Variants in MRPS31 observed in about 807,000 individuals in gnomAD.
MRPS31 encodes small ribosomal subunit protein mS31.
MRPS31 carries 32 observed loss-of-function variants against 43.1 expected under a neutral mutation model. The ratio of observed to expected loss-of-function variants is 0.74; its 90% confidence interval spans 0.56 to 1.00. MRPS31 has a LOEUF of 1.00. MRPS31 is among the 50% of genes least tolerant of loss of function. MRPS31 has a pLI of 0.00. For synonymous variants in MRPS31, 165 were observed against 161.6 expected, an observed-to-expected ratio of 1.02 and a Z score of -0.16; for missense variants, 437 against 466.7, an observed-to-expected ratio of 0.94 and a Z score of 0.59.
chr13:40,747,187 T>C (rs1880262693), intron 6 of MRPS31, among the ~76,000 whole-genome samples: 1 of 152,074 alleles, frequency 6.6e-6, no homozygotes, highest in South Asian at 2.1e-4. Context: ...CAAGTGATTC[T>C]CCTGCCTCAG....
chr13:40,732,088 T>G (rs1297170734), intron 6 of MRPS31, among the ~76,000 whole-genome samples: 1 of 152,200 alleles, frequency 6.6e-6, no homozygotes, highest in Non-Finnish European at 1.5e-5. Context: ...CTAAAGACAT[T>G]CTAAACATTC....
chr13:40,729,290 A>G lies in MRPS31; in HGVS notation c.*82T>C. 1.4e-6 allele frequency: 1 copy of G among 720,004 alleles called. No individual in the cohort carries two copies. Among genetic ancestry groups the G allele is most frequent in the Non-Finnish European group, 2.3e-6 (1 of 440,274 alleles). 44.6% of individuals were successfully genotyped at this position (720,004 alleles called of 1,614,324 possible). On this transcript the variant is annotated 3_prime_UTR_variant, in exon 7 of 7. Coordinates refer to ENST00000323563, the MANE Select transcript of MRPS31 (RefSeq NM_005830.4). ...CCAAATCAAATGTAATAATCAACAT[A>G]ACATATACAAACTCTAGTAAAATTA...
chr13:40,739,422 G>A (rs1243042726), intron 6 of MRPS31, among the ~76,000 whole-genome samples: 1 of 152,038 alleles, frequency 6.6e-6, no homozygotes, highest in Non-Finnish European at 1.5e-5. Context: ...TTTCTTCACA[G>A]AATTGGAAAA....
chr13:40,734,042 T>C (rs1879795208), intron 6 of MRPS31, among the ~76,000 whole-genome samples: 1 of 148,006 alleles, frequency 6.8e-6, no homozygotes, highest in Non-Finnish European at 1.5e-5. Flanking sequence ...GGCAGGAGAA[T>C]AGCTTGAACC....
chr13:40,736,212 A>C (rs533176744), intron 6 of MRPS31, among the ~76,000 whole-genome samples: 13 of 152,144 alleles, frequency 8.5e-5, no homozygotes, highest in African/African-American at 3.1e-4. Flanking sequence ...GAAATGAAGC[A>C]GGAAGGAAAG....
chr13:40,757,091 G>T, intron 3 of MRPS31, 78 bp from the exon 4 acceptor site: 1 of 1,097,920 alleles, frequency 9.1e-7, no homozygotes, highest in Non-Finnish European at 1.3e-6. Flanking sequence ...CAGGAGACTT[G>T]AGATCATTTA....
At chr13:40,730,787 T>C (rs1014078592) in intron 6 of MRPS31, among the ~76,000 whole-genome samples, 13 of 151,902 alleles carry the variant, frequency 8.6e-5, no homozygotes, top group African/African-American at 2.7e-4. Flanking sequence ...CTTGAACTCC[T>C]GACCTCAGGT....
chr13:40,732,179 A>G (rs1167376881), intron 6 of MRPS31, among the ~76,000 whole-genome samples: 1 of 152,256 alleles, frequency 6.6e-6, no homozygotes, highest in Non-Finnish European at 1.5e-5. Flanking sequence ...AGTAAGAATT[A>G]TAAATATGGA....
intron 6 of MRPS31, among the ~76,000 whole-genome samples, chr13:40,744,820 G>A (rs892490444): frequency 2.6e-5 from 4 of 152,194 alleles, no homozygotes; most frequent in South Asian, 4.2e-4. Flanking sequence ...CGCCATGTTG[G>A]CCAGGCTGGT....
intron 4 of MRPS31, among the ~76,000 whole-genome samples, chr13:40,755,420 A>G (rs1880502971): frequency 6.6e-6 from 1 of 152,226 alleles, no homozygotes; most frequent in Admixed American, 6.5e-5. Context: ...CCTACTATGT[A>G]CCAGATAGTT....
chr13:40,733,293 C>T (rs537338750), intron 6 of MRPS31, among the ~76,000 whole-genome samples: 12 of 152,064 alleles, frequency 7.9e-5, no homozygotes, highest in East Asian at 7.7e-4. Context: ...TGTGAGCCAC[C>T]GCGCCCAGCC....
rs573758813 is a variant in MRPS31, at chr13:40,751,085, T to A, written c.815-1804A>T. 3.2e-4 allele frequency among the ~76,000 whole-genome samples: 49 copies of A among 152,254 alleles called. 2 individuals carry two copies. In the South Asian group the frequency reaches 9.7e-3, roughly 30 times the overall value. On this transcript the variant is annotated intron_variant, in intron 5 of 6. Coordinates refer to ENST00000323563, the MANE Select transcript of MRPS31 (RefSeq NM_005830.4). ...TTTGCTTTTTCTGAATCTATTTCTATGAGCCTTTATGTGCAGAAATGTATC... is the reference window on the plus strand; with the variant it reads ...TTTGCTTTTTCTGAATCTATTTCTAAGAGCCTTTATGTGCAGAAATGTATC...
intron 6 of MRPS31, chr13:40,730,853 T>G (rs911057986): frequency 8.6e-5 from 13 of 151,814 alleles, no homozygotes; most frequent in African/African-American, 3.1e-4. Flanking sequence ...AACTACTGCG[T>G]CCGGCCGCTA....
chr13:40,750,986 G>C (rs1880375839), intron 5 of MRPS31, among the ~76,000 whole-genome samples: 1 of 151,732 alleles, frequency 6.6e-6, no homozygotes, highest in Admixed American at 6.6e-5. Context: ...ACCCACTTTT[G>C]CCAAGCCCCC....
intron 6 of MRPS31, among the ~76,000 whole-genome samples, chr13:40,735,564 C>G (rs1463120111): frequency 6.6e-6 from 1 of 151,992 alleles, no homozygotes; most frequent in Admixed American, 6.5e-5. Context: ...GTGGTTCTCC[C>G]AGCACGCAGC....
chr13:40,752,832 G>A (rs1880428530), intron 5 of MRPS31, among the ~76,000 whole-genome samples: 1 of 151,932 alleles, frequency 6.6e-6, no homozygotes, highest in South Asian at 2.1e-4. Context: ...CTCAAATTCT[G>A]GGCTCCAGTG....
chr13:40,729,784 A>G (rs557067364), intron 6 of MRPS31, among the ~76,000 whole-genome samples, 183 bp from the exon 7 acceptor site: 1 of 144,844 alleles, frequency 6.9e-6, no homozygotes, highest in African/African-American at 2.6e-5. Flanking sequence ...GTTGAAGTGG[A>G]GTGGCACGAT....
intron 6 of MRPS31, among the ~76,000 whole-genome samples, chr13:40,748,292 G>A (rs1171625924): frequency 1.3e-5 from 2 of 152,096 alleles, no homozygotes; most frequent in Non-Finnish European, 2.9e-5. Context: ...TGAATAGCTG[G>A]GATTACAGGC....
intron 6 of MRPS31, among the ~76,000 whole-genome samples, chr13:40,746,775 A>G (rs1409940989): frequency 1.3e-5 from 2 of 152,256 alleles, no homozygotes; most frequent in Non-Finnish European, 2.9e-5. Context: ...TTTGAAAAAT[A>G]AAATGTTACA....
Sources: allele counts gnomAD v4.1 joint callset (sites outside exome capture counted in the v4.1 genomes callset), GRCh38; gene constraint gnomAD v4.1.1; transcripts MANE v1.5; gene names NCBI Gene and HGNC (gene_info 2026-07-23, HGNC 2026-07-21).